The following SNX8 variants were observed in gnomAD, a reference collection of about 807,000 sequenced individuals.
The protein encoded by SNX8 is sorting nexin 8, also known as sorting nexin-8.
A neutral mutation model predicts 51.6 loss-of-function variants in SNX8; 25 were observed. The ratio of observed to expected loss-of-function variants is 0.48; its 90% confidence interval spans 0.35 to 0.68. The LOEUF (loss-of-function observed/expected upper bound fraction) is 0.68. Ranked by LOEUF, SNX8 falls within the 30% of genes least tolerant of loss-of-function variation. The probability of loss-of-function intolerance (pLI) is 0.00; values close to 1 mark genes in which losing one functional copy is unlikely to be tolerated. For missense variants in SNX8, 695 were observed against 624.0 expected, an observed-to-expected ratio of 1.11 and a Z score of -1.21; for synonymous variants, 324 against 277.0, an observed-to-expected ratio of 1.17 and a Z score of -1.68.
intron 1 of SNX8, among the ~76,000 whole-genome samples, chr7:2,330,221 T>G (rs1465546568): frequency 7.2e-6 from 1 of 139,792 alleles, no homozygotes. Flanking sequence ...CACCACAACC[T>G]CCACTTCCCA....
At chr7:2,301,957 G>A (rs1342951151) in intron 1 of SNX8, among the ~76,000 whole-genome samples, 1 of 152,142 alleles carries the variant, frequency 6.6e-6, no homozygotes, top group African/African-American at 2.4e-5. Context: ...AAGAGTTGGG[G>A]ATCGGCCAGG....
intron 2 of SNX8, 69 bp from the exon 3 acceptor site, chr7:2,275,298 A>G: frequency 9.5e-7 from 1 of 1,048,860 alleles, no homozygotes. Context: ...TCCCCTCAAC[A>G]GAGCCCGGGA....
At chr7:2,334,524 A>G (rs1013701225) in intron 1 of SNX8, among the ~76,000 whole-genome samples, 5 of 151,918 alleles carry the variant, frequency 3.3e-5, no homozygotes, top group African/African-American at 1.2e-4. Context: ...ACAGTGAAAC[A>G]CTGTCTCTGC....
At chr7:2,297,651 A>G (rs907253764) in intron 1 of SNX8, among the ~76,000 whole-genome samples, 1 of 151,152 alleles carries the variant, frequency 6.6e-6, no homozygotes, top group African/African-American at 2.4e-5. Flanking sequence ...GTGCCCGTCA[A>G]CCGATGAGTA....
In SNX8 at chr7:2,278,035, G is replaced by C. The variant is rs1356755982; in HGVS notation, c.300+65C>G. On this transcript the variant is annotated intron_variant, in intron 2 of 10. Coordinates refer to ENST00000222990, the MANE Select transcript of SNX8 (RefSeq NM_013321.4). ...TCTCCTGTCACACCACTCCTGCCCT[G>C]AGATGTTGAGACGTGACCCTTTCTT... The C allele has an allele frequency of 2.6e-6, 4 of 1,566,790 alleles. No homozygotes were observed. In the African/African-American group the frequency reaches 4.0e-5, roughly 16 times the overall value.
intron 1 of SNX8, among the ~76,000 whole-genome samples, chr7:2,301,990 C>A (rs2115185898): frequency 6.6e-6 from 1 of 152,244 alleles, no homozygotes; most frequent in African/African-American, 2.4e-5. Flanking sequence ...CACCTGTAAT[C>A]CCAGCACTTT....
At chr7:2,284,634 G>A (rs976601265) in intron 1 of SNX8, among the ~76,000 whole-genome samples, 1 of 150,764 alleles carries the variant, frequency 6.6e-6, no homozygotes. Context: ...TCGATCTCCT[G>A]ACCTTGTGAT....
chr7:2,340,935 G>A (rs1248663192), intron 1 of SNX8, among the ~76,000 whole-genome samples: 2 of 146,666 alleles, frequency 1.4e-5, no homozygotes, highest in East Asian at 4.1e-4. Context: ...TGTAATCCCA[G>A]CACTTTGGGA....
intron 1 of SNX8, among the ~76,000 whole-genome samples, chr7:2,351,795 C>T (rs1373098607): frequency 1.3e-5 from 2 of 148,926 alleles, no homozygotes; most frequent in East Asian, 2.0e-4. Flanking sequence ...AGCACCACTG[C>T]ACTCCAGCCT....
At chr7:2,294,632 G>A (rs1427489034) in intron 1 of SNX8, among the ~76,000 whole-genome samples, 2 of 152,192 alleles carry the variant, frequency 1.3e-5, no homozygotes, top group East Asian at 1.9e-4. Flanking sequence ...CTCCCTGGTG[G>A]CCTCATTCAA....
chr7:2,255,127 G>A lies in SNX8; in HGVS notation c.1327C>T (p.Leu443Phe), dbSNP rs1584659026. ...AGGGTGCTGTGTGGTCCCGCAAAGA[G>A]GCAGCTGAGCTTGGGCCTCAGGTCG... Reference protein sequence around the residue: ...WNDLRPKLSCLFAGPHSTLTP... With the variant: ...WNDLRPKLSCFFAGPHSTLTP... The change falls in exon 11 of 11, where the codon CTC becomes TTC. Residue 443 changes from leucine to phenylalanine, a missense_variant. Physicochemically the swap from Leu to Phe is conservative, Grantham distance 22. Coordinates refer to ENST00000222990, the MANE Select transcript of SNX8 (RefSeq NM_013321.4). The A allele has an allele frequency of 1.9e-6, 3 of 1,578,680 alleles. No individual in the cohort carries two copies. Among genetic ancestry groups the A allele is most frequent in the Non-Finnish European group, 2.6e-6 (3 of 1,162,372 alleles).
chr7:2,256,977 A>G lies in SNX8; in HGVS notation c.1181T>C (p.Leu394Pro). The change falls in exon 10 of 11, where the codon CTG (leucine) becomes CCG (proline). Residue 394 changes from leucine (L) to proline (P), a missense_variant. Physicochemically the swap from Leu to Pro is moderately conservative, Grantham distance 98. Coordinates refer to ENST00000222990, the MANE Select transcript of SNX8 (RefSeq NM_013321.4). ...QTMELRNYFS[L>P]YCLHQETQLI... ...CTGCGTCTCCTGGTGCAGGCAGTAC[A>G]GGGAGAAGTAGTTCCGCAGCTCCAT... The G allele has an allele frequency of 6.2e-7, 1 of 1,613,098 alleles. No homozygotes were observed. The highest frequency in any genetic ancestry group is 8.5e-7 in the Non-Finnish European group (1 of 1,179,510).
intron 1 of SNX8, among the ~76,000 whole-genome samples, chr7:2,306,513 A>C (rs1459773316): frequency 6.6e-6 from 1 of 152,196 alleles, no homozygotes; most frequent in Non-Finnish European, 1.5e-5. Context: ...AAATTTTATC[A>C]TATTAGCACT....
At chr7:2,335,802 CAAA>C (rs1173439746) in intron 1 of SNX8, among the ~76,000 whole-genome samples, 1 of 30,642 alleles carries the variant, frequency 3.3e-5, no homozygotes, top group Admixed American at 2.9e-4. Flanking sequence ...GACTCTGTCT[CAAA>C]AAAAAAAAAA....
At position 2,253,361 on chromosome 7, in the gene SNX8, G is replaced by A. The variant is rs1369211284; in HGVS notation, c.*1695C>T. ...GCAGCTGGACAGGCCCCAGGAAGGT[G>A]CGGGGTGGACGGAGAGGCCTTGCAG... On this transcript the variant is annotated 3_prime_UTR_variant, in exon 11 of 11. Coordinates refer to ENST00000222990, the MANE Select transcript of SNX8 (RefSeq NM_013321.4). The A allele has an allele frequency of 6.5e-6, 1 of 153,174 alleles. No individual in the cohort carries two copies. The highest frequency in any genetic ancestry group is 2.4e-5 in the African/African-American group (1 of 41,460). 9.5% of individuals were successfully genotyped at this position (153,174 alleles called of 1,614,324 possible). A position where few individuals can be genotyped will look rare whatever the true frequency, so the allele number is the denominator to read the frequency against.
At chr7:2,303,994 T>G (rs1172661839) in intron 1 of SNX8, among the ~76,000 whole-genome samples, 2 of 147,750 alleles carry the variant, frequency 1.4e-5, no homozygotes, top group Non-Finnish European at 3.0e-5. Context: ...AAATAAAAAC[T>G]TAAAAAAAAA....
chr7:2,308,740 A>G (rs899850991), intron 1 of SNX8, among the ~76,000 whole-genome samples: 2 of 151,716 alleles, frequency 1.3e-5, no homozygotes, highest in Non-Finnish European at 2.9e-5. Flanking sequence ...TAATGCAAAC[A>G]ATACTGTGGG....
chr7:2,351,917 T>TG (rs904604215), intron 1 of SNX8, among the ~76,000 whole-genome samples: 10 of 146,988 alleles, frequency 6.8e-5, no homozygotes, highest in African/African-American at 9.9e-5. Context: ...TTTTTTTTTT[T>TG]TTTTTTTTTG....
intron 1 of SNX8, among the ~76,000 whole-genome samples, chr7:2,287,283 T>C (rs1050009342): frequency 1.0e-4 from 15 of 145,228 alleles, no homozygotes; most frequent in Non-Finnish European, 1.8e-4. Flanking sequence ...GAAAAAAATA[T>C]TAAAAGTGAT....
Sources: gnomAD v4.1 joint callset for allele counts (sites outside exome capture counted in the v4.1 genomes callset) on GRCh38, gnomAD v4.1.1 for gene constraint, MANE v1.5 for transcripts, NCBI Gene and HGNC (gene_info 2026-07-23, HGNC 2026-07-21) for gene names.